Variants in SLIT3 observed in about 807,000 individuals in gnomAD.
SLIT3 encodes slit guidance ligand 3.
Under a neutral mutation model 184.0 loss-of-function variants are expected in SLIT3, and 68 were observed. The ratio of observed to expected loss-of-function variants is 0.37; its 90% CI spans 0.30 to 0.45. The LOEUF (loss-of-function observed/expected upper bound fraction) is 0.45, where lower values mean the gene tolerates loss of function less well. Ranked by LOEUF, SLIT3 falls within the 20% of genes least tolerant of loss-of-function variation. SLIT3 has a pLI of 1.00. For synonymous variants in SLIT3, 831 were observed against 828.6 expected, an observed-to-expected ratio of 1.00 and a Z score of -0.05; for missense variants, 1,707 against 2,026.0, an observed-to-expected ratio of 0.84 and a Z score of 3.02.
chr5:168,721,971 A>C (rs556135726), intron 23 of SLIT3, among the ~76,000 whole-genome samples: 4 of 152,308 alleles, frequency 2.6e-5, no homozygotes, highest in East Asian at 1.9e-4. Context: ...TAATCCTCAC[A>C]AAGGAGGTGC....
rs188275835 is a variant in SLIT3, at chr5:169,149,510, G to T, written c.413+43969C>A. Among the ~76,000 whole-genome samples, 735 of 152,104 alleles carry T rather than the reference G, an allele frequency of 4.8e-3. 3 individuals are homozygous for T. The highest frequency in any genetic ancestry group is 0.014 in the Middle Eastern group (4 of 294). ...GAGACCCAGACTCCAGAGACCCCTGGTACACCCTCTAGTGGCTATCAGCAC... is the reference window on the plus strand; with the variant it reads ...GAGACCCAGACTCCAGAGACCCCTGTTACACCCTCTAGTGGCTATCAGCAC... On this transcript the variant is annotated intron_variant, in intron 4 of 35. Transcript: ENST00000519560.
At chr5:168,945,879 T>C (rs775220562) in intron 4 of SLIT3, among the ~76,000 whole-genome samples, 2 of 152,242 alleles carry the variant, frequency 1.3e-5, no homozygotes, top group Non-Finnish European at 2.9e-5. Flanking sequence ...TGATTTGTTC[T>C]AATCTTTGGG....
At chr5:168,912,823 TC>T (rs1266125253) in intron 4 of SLIT3, among the ~76,000 whole-genome samples, 1 of 152,120 alleles carries the variant, frequency 6.6e-6, no homozygotes, top group Non-Finnish European at 1.5e-5. Context: ...TCTGCACGGC[TC>T]CCTTACTTTG....
chr5:168,695,645 G>A (rs759393003), intron 28 of SLIT3, among the ~76,000 whole-genome samples: 1 of 152,028 alleles, frequency 6.6e-6, no homozygotes, highest in Admixed American at 6.6e-5. Flanking sequence ...TCCTTTTTAG[G>A]GGTTATTAAT....
chr5:168,697,818 A>G (rs1168659471), intron 27 of SLIT3, among the ~76,000 whole-genome samples: 1 of 152,230 alleles, frequency 6.6e-6, no homozygotes, highest in Non-Finnish European at 1.5e-5. Context: ...CTTCAGAGCC[A>G]GACAGAGGGT....
chr5:169,037,248 C>G (rs1349631018), intron 4 of SLIT3, among the ~76,000 whole-genome samples: 1 of 152,218 alleles, frequency 6.6e-6, no homozygotes, highest in African/African-American at 2.4e-5. Context: ...TCCATAATTA[C>G]TAAGCATTTA....
At chr5:169,205,725 G>A (rs1487423245) in intron 3 of SLIT3, among the ~76,000 whole-genome samples, 2 of 152,244 alleles carry the variant, frequency 1.3e-5, no homozygotes, top group Non-Finnish European at 2.9e-5. Context: ...TAAGTTGCGT[G>A]CTGCTGCCCA....
rs58407375 is a variant in SLIT3 at position 168,884,549 on chromosome 5, GATATATATATATATATATAT to G, written c.414-1233_414-1214del. 2.7e-4 allele frequency among the ~76,000 whole-genome samples: 11 copies of G among 41,152 alleles called. 1 individual carries two copies. Among genetic ancestry groups the G allele is most frequent in the Admixed American group, 6.7e-4 (2 of 2,980 alleles). The allele number at this position is 41,152 out of a possible 152,430, so 27.0% of individuals were successfully genotyped here. On this transcript the variant is annotated intron_variant, in intron 4 of 35. Coordinates refer to ENST00000519560, the MANE Select transcript of SLIT3 (RefSeq NM_003062.4). ...ATCTAACTACTGCTACCAATTACGA[GATATATATATATATATATAT>G]ATATATATATATGAAATTCCACCAA...
rs769661229 is a variant in SLIT3 at position 168,762,684 on chromosome 5, C to T, written c.1465G>A (p.Glu489Lys). 11 of 1,613,326 alleles carry T rather than the reference C, an allele frequency of 6.8e-6. No homozygotes were observed. The highest frequency in any genetic ancestry group is 4.0e-5 in the African/African-American group (3 of 74,892). The change falls in exon 15 of 36, where the codon GAG becomes AAG. Residue 489 changes from glutamate to lysine, a missense_variant. By Grantham distance (56) the Glu-to-Lys change is moderately conservative (BLOSUM62 1). Coordinates refer to ENST00000519560, the MANE Select transcript of SLIT3 (RefSeq NM_003062.4). ...KSKKFRCSGS[E>K]DYRSRFSSEC... ...CTGCTGAACCTGCTGCGGTAATCCT[C>T]GGAGCCTGGGAGGGGCCAAAGAGGG...
chr5:168,942,424 G>A (rs1451805733), intron 4 of SLIT3, among the ~76,000 whole-genome samples: 2 of 152,190 alleles, frequency 1.3e-5, no homozygotes, highest in African/African-American at 4.8e-5. Context: ...TACTTCAACA[G>A]TAGATATTGT....
At position 169,047,955 on chromosome 5, in the gene SLIT3, G is replaced by A. The variant is rs574961277; in HGVS notation, c.413+145524C>T. Among the ~76,000 whole-genome samples the A allele has an allele frequency of 7.0e-4, 106 of 152,130 alleles. 1 individual carries two copies. Among genetic ancestry groups the A allele is most frequent in the African/African-American group, 2.3e-3 (95 of 41,498 alleles). ...AACTTAGCATGGTGCCACAAGCATCGATTAGATGCTTGTGGAAGGAAGAAA... is the reference window on the plus strand; with the variant it reads ...AACTTAGCATGGTGCCACAAGCATCAATTAGATGCTTGTGGAAGGAAGAAA... On this transcript the variant is annotated intron_variant, in intron 4 of 35. Coordinates refer to ENST00000519560, the MANE Select transcript of SLIT3 (RefSeq NM_003062.4).
chr5:168,999,352 C>T (rs1314767143), intron 4 of SLIT3, among the ~76,000 whole-genome samples: 2 of 151,624 alleles, frequency 1.3e-5, no homozygotes, highest in African/African-American at 2.4e-5. Flanking sequence ...GCTGGCTTTA[C>T]CTCTCTTAAT....
chr5:168,903,476 G>A (rs1459302680), intron 4 of SLIT3, among the ~76,000 whole-genome samples: 1 of 152,172 alleles, frequency 6.6e-6, no homozygotes, highest in Non-Finnish European at 1.5e-5. Context: ...CTAGATCAGA[G>A]GGCTGAGGCT....
chr5:169,184,673 G>A (rs1457355675), intron 4 of SLIT3, among the ~76,000 whole-genome samples: 1 of 152,170 alleles, frequency 6.6e-6, no homozygotes, highest in African/African-American at 2.4e-5. Flanking sequence ...TGTGTGGCCT[G>A]GGATGCAGCA....
chr5:168,924,415 G>A (rs1761740886), intron 4 of SLIT3, among the ~76,000 whole-genome samples: 1 of 152,068 alleles, frequency 6.6e-6, no homozygotes. Context: ...TTTTAGGAAA[G>A]GAGTCCAAAT....
At chr5:169,014,583 T>C (rs1457732192) in intron 4 of SLIT3, among the ~76,000 whole-genome samples, 2 of 152,306 alleles carry the variant, frequency 1.3e-5, no homozygotes, top group African/African-American at 4.8e-5. Flanking sequence ...ACAGTGCCTT[T>C]TGCACACAGG....
chr5:169,189,565 T>TGC (rs1763477737), intron 4 of SLIT3, among the ~76,000 whole-genome samples: 1 of 76,260 alleles, frequency 1.3e-5, no homozygotes, highest in African/African-American at 4.8e-5. Context: ...TATATATATA[T>TGC]ATATATATAT....
chr5:168,856,056 C>T (rs1280574499), intron 5 of SLIT3, among the ~76,000 whole-genome samples: 1 of 152,098 alleles, frequency 6.6e-6, no homozygotes, highest in Non-Finnish European at 1.5e-5. Context: ...TTGCAGTTAG[C>T]CAAGATCGTG....
intron 4 of SLIT3, among the ~76,000 whole-genome samples, chr5:169,086,717 G>A (rs1003751234): frequency 2.6e-5 from 4 of 152,108 alleles, no homozygotes; most frequent in Admixed American, 2.0e-4. Flanking sequence ...TGGTAACGTG[G>A]GTCAAGAGTC....
Sources: allele counts gnomAD v4.1 joint callset (sites outside exome capture counted in the v4.1 genomes callset), GRCh38; gene constraint gnomAD v4.1.1; transcripts MANE v1.5; gene names NCBI Gene and HGNC (gene_info 2026-07-23, HGNC 2026-07-21).